NPTXR: variants seen among roughly 807,000 people sequenced by gnomAD.
The protein encoded by NPTXR is neuronal pentraxin receptor.
In NPTXR, 12 loss-of-function variants were observed where a neutral mutation model predicts 32.2. That is an observed-to-expected ratio of 0.37 (90% CI 0.24 to 0.60). NPTXR has a LOEUF of 0.60. NPTXR is among the 20% of genes least tolerant of loss of function. The pLI, the probability that NPTXR is intolerant of heterozygous loss-of-function variation, is 0.66. For synonymous variants in NPTXR, 323 were observed against 315.8 expected, an observed-to-expected ratio of 1.02 and a Z score of -0.24; for missense variants, 612 against 682.9, an observed-to-expected ratio of 0.90 and a Z score of 1.16.
At chr22:38,828,074 C>G (rs975097256) in intron 2 of NPTXR, among the ~76,000 whole-genome samples, 1 of 152,218 alleles carries the variant, frequency 6.6e-6, no homozygotes, top group African/African-American at 2.4e-5. Context: ...AGCCCACTCC[C>G]AGGACACAGT....
chr22:38,836,154 A>T (rs2093123680), intron 1 of NPTXR, among the ~76,000 whole-genome samples: 1 of 152,048 alleles, frequency 6.6e-6, no homozygotes, highest in East Asian at 1.9e-4. Flanking sequence ...GAGTTTGGCG[A>T]GGTTTACACG....
chr22:38,822,343 G>A lies in NPTXR; in HGVS notation c.*266C>T. On this transcript the variant is annotated 3_prime_UTR_variant, in exon 5 of 5. Coordinates refer to ENST00000333039, the MANE Select transcript of NPTXR (RefSeq NM_014293.4). ...TACAGTTGATGGGCAGGGAGGGTGG[G>A]GTAAGAGACAACTCCAGTGCAGTGC... 1 of 511,712 alleles carries A rather than the reference G, an allele frequency of 2.0e-6. No homozygotes were observed. The highest frequency in any genetic ancestry group is 3.6e-6 in the Non-Finnish European group (1 of 279,708). The allele number at this position is 511,712 out of a possible 1,614,324, so 31.7% of individuals were successfully genotyped here.
intron 2 of NPTXR, among the ~76,000 whole-genome samples, chr22:38,827,690 T>C (rs1603245218): frequency 6.6e-6 from 1 of 152,198 alleles, no homozygotes; most frequent in East Asian, 1.9e-4. Context: ...TCATGAGTCC[T>C]AAACCCCTAT....
chr22:38,832,733 C>A (rs2093118284), intron 1 of NPTXR, among the ~76,000 whole-genome samples: 1 of 152,230 alleles, frequency 6.6e-6, no homozygotes, highest in Non-Finnish European at 1.5e-5. Flanking sequence ...TCCAGCCTGG[C>A]CTTCCTGATC....
At position 38,834,287 on chromosome 22, in the gene NPTXR, C is replaced by G. The variant is rs1296252753; in HGVS notation, c.625-5775G>C. 6.6e-6 allele frequency among the ~76,000 whole-genome samples: 1 copy of G among 152,108 alleles called. No individual in the cohort carries two copies. The highest frequency in any genetic ancestry group is 1.5e-5 in the Non-Finnish European group (1 of 68,022). Reference sequence around the variant, plus strand: ...CCTGCTTAAAATCCTTCCACAGCCCCGTCTCCCTGCCAATAAAGTCCCTGT... The same window carrying G: ...CCTGCTTAAAATCCTTCCACAGCCCGGTCTCCCTGCCAATAAAGTCCCTGT... On this transcript the variant is annotated intron_variant, in intron 1 of 4. Transcript: ENST00000333039. The surrounding 1 kb of genome is among the most constrained non-coding windows in gnomAD (Gnocchi z 4.4).
chr22:38,835,447 G>A (rs1296568888), intron 1 of NPTXR, among the ~76,000 whole-genome samples: 1 of 152,218 alleles, frequency 6.6e-6, no homozygotes, highest in African/African-American at 2.4e-5. Flanking sequence ...TGGTCTCCTA[G>A]TACCACTTTG....
Position 38,820,731 on chromosome 22 carries a change from G to T in NPTXR, c.*1878C>A, listed in dbSNP as rs1196682376. The T allele has an allele frequency of 1.3e-5, 2 of 152,466 alleles. No individual in the cohort carries two copies. Among genetic ancestry groups the T allele is most frequent in the Admixed American group, 1.3e-4 (2 of 15,280 alleles). 9.4% of individuals were successfully genotyped at this position (152,466 alleles called of 1,614,324 possible). A position where few individuals can be genotyped will look rare whatever the true frequency, so the allele number is the denominator to read the frequency against. On this transcript the variant is annotated 3_prime_UTR_variant, in exon 5 of 5. Coordinates refer to ENST00000333039, the MANE Select transcript of NPTXR (RefSeq NM_014293.4). Reference sequence around the variant, plus strand: ...CTTCAGGGGCAGGCAACATGGAGGGGGAAGAACACTGAAGAGGGAGTCAGA... The same window carrying T: ...CTTCAGGGGCAGGCAACATGGAGGGTGAAGAACACTGAAGAGGGAGTCAGA...
intron 1 of NPTXR, among the ~76,000 whole-genome samples, chr22:38,829,696 C>T (rs1176328492): frequency 3.9e-5 from 6 of 152,088 alleles, no homozygotes; most frequent in African/African-American, 9.7e-5. Context: ...GCCCCAGACA[C>T]GAACTCATTG....
chr22:38,835,092 C>T (rs2093121995), intron 1 of NPTXR, among the ~76,000 whole-genome samples: 1 of 152,166 alleles, frequency 6.6e-6, no homozygotes, highest in African/African-American at 2.4e-5. Context: ...ATTGTAAGGC[C>T]CTTGACAGGC....
chr22:38,833,744 G>A (rs770565499), intron 1 of NPTXR, among the ~76,000 whole-genome samples: 8 of 149,814 alleles, frequency 5.3e-5, no homozygotes, highest in Non-Finnish European at 7.4e-5. Context: ...GCACGATCTC[G>A]GCTCACTGCA....
rs1326514455 is a variant in NPTXR, at chr22:38,819,844, ACC to A, written c.*2763_*2764del. On this transcript the variant is annotated 3_prime_UTR_variant, in exon 5 of 5. Transcript: ENST00000333039. ...GGCAGCAGAAGATAGGAAAAGCGGG[ACC>A]CAAACAGTGGTGCTGGGGAAATTTG... 1.3e-5 allele frequency: 2 copies of A among 152,646 alleles called. No homozygotes were observed. Among genetic ancestry groups the A allele is most frequent in the Non-Finnish European group, 2.9e-5 (2 of 68,082 alleles). The allele number at this position is 152,646 out of a possible 1,614,324, so 9.5% of individuals were successfully genotyped here. A position where few individuals can be genotyped will look rare whatever the true frequency, so the allele number is the denominator to read the frequency against.
At chr22:38,832,099 C>T (rs1296197290) in intron 1 of NPTXR, among the ~76,000 whole-genome samples, 6 of 152,126 alleles carry the variant, frequency 3.9e-5, no homozygotes, top group South Asian at 2.1e-4. Context: ...GAGGAGAAAA[C>T]GTGCGGGCTG....
At chr22:38,830,521 G>A (rs1448939465) in intron 1 of NPTXR, among the ~76,000 whole-genome samples, 1 of 152,222 alleles carries the variant, frequency 6.6e-6, no homozygotes, top group Admixed American at 6.5e-5. Flanking sequence ...ACCAGGAGCA[G>A]GAGCAGAGCT....
At chr22:38,831,601 A>T (rs1338448610) in intron 1 of NPTXR, among the ~76,000 whole-genome samples, 1 of 152,158 alleles carries the variant, frequency 6.6e-6, no homozygotes, top group Admixed American at 6.5e-5. Context: ...TGACAGGGTC[A>T]GCCACCCACT....
chr22:38,822,805 G>A lies in NPTXR; in HGVS notation c.1307C>T (p.Thr436Ile), dbSNP rs753609252. The change falls in exon 5 of 5, where the codon ACC becomes ATC. Residue 436 changes from threonine (T) to isoleucine (I), a missense_variant. Transcript: ENST00000333039. ...GGCAATGTCACCGACAAAGGCCTGG[G>A]TGGCATCAAACCGGCCACCCAGGGT... The A allele has an allele frequency of 1.2e-6, 2 of 1,614,092 alleles. No homozygotes were observed. The highest frequency in any genetic ancestry group is 1.7e-5 in the Admixed American group (1 of 60,020).
chr22:38,839,274 A>G (rs1267147935), intron 1 of NPTXR, among the ~76,000 whole-genome samples: 1 of 152,246 alleles, frequency 6.6e-6, no homozygotes, highest in African/African-American at 2.4e-5. Context: ...AAAATGGAAC[A>G]GGGGAACACA....
intron 1 of NPTXR, among the ~76,000 whole-genome samples, chr22:38,831,851 G>C (rs563426582): frequency 6.6e-6 from 1 of 152,126 alleles, no homozygotes; most frequent in Non-Finnish European, 1.5e-5. Context: ...ATGAATCCTC[G>C]CAGCTGCTCG....
intron 1 of NPTXR, among the ~76,000 whole-genome samples, chr22:38,838,557 C>G (rs1280454828): frequency 1.3e-5 from 2 of 150,522 alleles, no homozygotes; most frequent in African/African-American, 4.9e-5. Context: ...AGCACAGGCA[C>G]CGCCCTCACC....
chr22:38,822,830 T>A lies in NPTXR; in HGVS notation c.1282A>T (p.Thr428Ser). 1 of 1,613,246 alleles carries A rather than the reference T, an allele frequency of 6.2e-7. No homozygotes were observed. Among genetic ancestry groups the A allele is most frequent in the East Asian group, 2.2e-5 (1 of 44,834 alleles). ...GTGGCATCAAACCGGCCACCCAGGGTATCCTGGGCCAAGACAGCAGCAGAG... is the reference window on the plus strand; with the variant it reads ...GTGGCATCAAACCGGCCACCCAGGGAATCCTGGGCCAAGACAGCAGCAGAG... The change falls in exon 5 of 5, where the codon ACC becomes TCC. Residue 428 changes from threonine (T) to serine (S), a missense_variant. Coordinates refer to ENST00000333039, the MANE Select transcript of NPTXR (RefSeq NM_014293.4).
Sources: allele counts gnomAD v4.1 joint callset (sites outside exome capture counted in the v4.1 genomes callset), GRCh38; gene constraint gnomAD v4.1.1; non-coding constraint Gnocchi (gnomAD v3.1); transcripts MANE v1.5; gene names NCBI Gene and HGNC (gene_info 2026-07-23, HGNC 2026-07-21).